The following HCCS variants were observed in gnomAD, a reference collection of about 807,000 sequenced individuals.
The protein encoded by HCCS is holocytochrome c-type synthase.
Under a neutral mutation model 24.2 loss-of-function variants are expected in HCCS, and 2 were observed. That is an observed-to-expected ratio of 0.08 (90% CI 0.03 to 0.26). The LOEUF (loss-of-function observed/expected upper bound fraction) is 0.26. Among genes scored for constraint, HCCS ranks in the 10% least tolerant of loss-of-function variants. HCCS has a pLI of 1.00. For missense variants in HCCS, 150 were observed against 213.3 expected (o/e 0.70, Z 1.85); for synonymous variants, 73 against 76.2 (o/e 0.96, Z 0.22).
chrX:11,114,412 G>C (rs762723380), intron 2 of HCCS, among the ~76,000 whole-genome samples: 81 of 111,951 alleles, frequency 7.2e-4, no homozygotes, highest in African/African-American at 2.6e-3. Flanking sequence ...GATTGGATCT[G>C]GGCTTCTCTG....
intron 2 of HCCS, among the ~76,000 whole-genome samples, chrX:11,113,014 C>G (rs2045422995): frequency 8.8e-6 from 1 of 113,002 alleles, no homozygotes; most frequent in Admixed American, 9.3e-5. Context: ...ATAGCCATTT[C>G]AGTATTTTCG....
At chrX:11,121,378 A>G (rs966588998) in intron 6 of HCCS, among the ~76,000 whole-genome samples, 5 of 111,797 alleles carry the variant, frequency 4.5e-5, no homozygotes, top group East Asian at 2.8e-4. Flanking sequence ...TCTCTTCCCC[A>G]TTGGCCTTAT....
At chrX:11,117,474 G>A (rs928634979) in intron 4 of HCCS, 59 bp downstream of exon 4, 1 of 996,063 alleles carries the variant, frequency 1.0e-6, no homozygotes, top group African/African-American at 1.9e-5. Flanking sequence ...AGAGTTATAT[G>A]CTAAAGAGAT....
chrX:11,114,326 T>A (rs1392794947), intron 2 of HCCS, among the ~76,000 whole-genome samples: 2 of 112,617 alleles, frequency 1.8e-5, no homozygotes, highest in East Asian at 5.6e-4. Context: ...ATGTCTCCTC[T>A]GTTCATTTTC....
intron 2 of HCCS, among the ~76,000 whole-genome samples, chrX:11,114,623 T>G (rs1324629037): frequency 1.8e-5 from 2 of 112,865 alleles, no homozygotes; most frequent in African/African-American, 6.4e-5. Flanking sequence ...TACTCATTTT[T>G]CTTTCAAAGG....
In HCCS at chrX:11,122,015, T is replaced by C. The variant is rs965089228; in HGVS notation, c.*205T>C. The C allele has an allele frequency of 2.4e-6, 1 of 416,451 alleles. No homozygotes were observed. The highest frequency in any genetic ancestry group is 6.6e-4 in the Middle Eastern group (1 of 1,526). The allele number at this position is 416,451 out of a possible 1,213,427, so 34.3% of individuals were successfully genotyped here. A position where few individuals can be genotyped will look rare whatever the true frequency, so the allele number is the denominator to read the frequency against. Reference sequence around the variant, plus strand: ...CAGTTTATAGCAGATCATTTTGTTTTCTTCCTACTTAGCTTAAGTGGGAAG... The same window carrying C: ...CAGTTTATAGCAGATCATTTTGTTTCCTTCCTACTTAGCTTAAGTGGGAAG... On this transcript the variant is annotated 3_prime_UTR_variant, in exon 7 of 7. Transcript: ENST00000380762.
intron 5 of HCCS, among the ~76,000 whole-genome samples, chrX:11,120,605 T>A (rs774110374): frequency 9.0e-6 from 1 of 111,151 alleles, no homozygotes; most frequent in African/African-American, 3.3e-5. Context: ...TTTTTTTTTT[T>A]AATTTGCCTT....
intron 1 of HCCS, 36 bp downstream of exon 1, chrX:11,111,554 TG>T (rs1175346610): frequency 6.6e-6 from 1 of 150,906 alleles, no homozygotes; most frequent in Non-Finnish European, 1.3e-5. Context: ...GGAAGACACT[TG>T]GCAGCTTCTC....
chrX:11,117,958 G>T (rs2045461343), intron 4 of HCCS, among the ~76,000 whole-genome samples: 1 of 111,491 alleles, frequency 9.0e-6, no homozygotes, highest in African/African-American at 3.3e-5. Context: ...AGTGGGGAGG[G>T]CAGTCTGCTT....
chrX:11,118,454 G>A (rs1276627450), intron 4 of HCCS, 47 bp from the exon 5 acceptor site: 7 of 1,124,771 alleles, frequency 6.2e-6, no homozygotes, highest in Middle Eastern at 2.4e-4. Context: ...TAACTTTATG[G>A]CATTATCAGG....
chrX:11,114,868 C>T lies in HCCS; in HGVS notation c.134C>T (p.Thr45Ile). The T allele has an allele frequency of 8.3e-7, 1 of 1,209,005 alleles. No homozygotes were observed. The highest frequency in any genetic ancestry group is 2.2e-5 in the Admixed American group (1 of 46,063). Residue 45 changes from threonine (T) to isoleucine (I), a missense_variant, in exon 3 of 7, where the codon ACC (threonine) becomes ATC (isoleucine). Transcript: ENST00000380762. Reference sequence around the variant, plus strand: ...GTGAATACAGAGCCATCTGGCCCAACCTGTGAGAAGAAAACATACTCTGTG... The same window carrying T: ...GTGAATACAGAGCCATCTGGCCCAATCTGTGAGAAGAAAACATACTCTGTG... ...CPVNTEPSGPTCEKKTYSVPA... is the reference protein window; with the variant it reads ...CPVNTEPSGPICEKKTYSVPA...
chrX:11,112,239 C>A, intron 2 of HCCS, 79 bp downstream of exon 2: 1 of 760,278 alleles, frequency 1.3e-6, no homozygotes, highest in Admixed American at 2.5e-5. Flanking sequence ...TGTGACAGCA[C>A]TTTGGGAGGC....
chrX:11,118,263 T>G, intron 4 of HCCS: 1 of 426,535 alleles, frequency 2.3e-6, no homozygotes, highest in Non-Finnish European at 4.2e-6. Flanking sequence ...GAGACTAAGG[T>G]GAACCTTTTA....
chrX:11,116,469 C>T (rs934169139), intron 3 of HCCS, among the ~76,000 whole-genome samples: 1 of 112,686 alleles, frequency 8.9e-6, no homozygotes, highest in Non-Finnish European at 1.9e-5. Context: ...TTCCTGCTGT[C>T]GGTATTCTGA....
rs747789460 is a variant in HCCS, at chrX:11,114,928, A to C, written c.194A>C (p.Glu65Ala). 1 of 1,206,000 alleles carries C rather than the reference A, an allele frequency of 8.3e-7. No homozygotes were observed. Residue 65 changes from glutamate to alanine, a missense_variant, in exon 3 of 7, where the codon GAG becomes GCG. By Grantham distance (107) the Glu-to-Ala change is moderately radical (BLOSUM62 -1). Coordinates refer to ENST00000380762, the MANE Select transcript of HCCS (RefSeq NM_005333.5). The part of the protein sequence containing the change: ...AHQERAYEYV[E>A]CPIRGTAAEN... ...CAGGAACGCGCCTATGAGTACGTGGAGTGTCCCATTAGGGGCACTGCGGCT... is the reference window on the plus strand; with the variant it reads ...CAGGAACGCGCCTATGAGTACGTGGCGTGTCCCATTAGGGGCACTGCGGCT...
rs141672947 is a variant in HCCS, at chrX:11,114,910, G to A, written c.176G>A (p.Arg59His). 71 of 1,201,958 alleles carry A rather than the reference G, an allele frequency of 5.9e-5. No individual in the cohort carries two copies. Among genetic ancestry groups the A allele is most frequent in the South Asian group, 5.6e-4 (32 of 56,638 alleles). The change falls in exon 3 of 7, where the codon CGC becomes CAC. Residue 59 changes from arginine to histidine, a missense_variant. Arg to His is a conservative substitution (Grantham distance 29). Coordinates refer to ENST00000380762, the MANE Select transcript of HCCS (RefSeq NM_005333.5). ...KTYSVPAHQE[R>H]AYEYVECPIR... ...TACTCTGTGCCTGCCCACCAGGAAC[G>A]CGCCTATGAGTACGTGGAGTGTCCC...
At chrX:11,113,924 CT>C in intron 2 of HCCS, among the ~76,000 whole-genome samples, 1 of 111,782 alleles carries the variant, frequency 8.9e-6, no homozygotes, top group Non-Finnish European at 1.9e-5. Flanking sequence ...GCAAACTCAG[CT>C]TTTTCATGTG....
intron 3 of HCCS, among the ~76,000 whole-genome samples, chrX:11,116,745 G>T (rs1294789592): frequency 8.9e-6 from 1 of 112,403 alleles, no homozygotes; most frequent in African/African-American, 3.2e-5. Flanking sequence ...TGGGAGAAGG[G>T]ATTCTTCCCA....
intron 2 of HCCS, among the ~76,000 whole-genome samples, chrX:11,114,024 G>A (rs952947020): frequency 1.8e-5 from 2 of 112,776 alleles, no homozygotes; most frequent in African/African-American, 6.4e-5. Context: ...CCAAGTGCCT[G>A]CTCATTCTCT....
Sources: allele counts gnomAD v4.1 joint callset (sites outside exome capture counted in the v4.1 genomes callset), GRCh38; gene constraint gnomAD v4.1.1; transcripts MANE v1.5; gene names NCBI Gene and HGNC (gene_info 2026-07-23, HGNC 2026-07-21).